The following C2CD2 variants were observed in gnomAD, a reference collection of about 807,000 sequenced individuals.
C2CD2 encodes C2 calcium dependent domain containing 2, also known as C2 domain-containing protein 2.
Under a neutral mutation model 74.3 loss-of-function variants are expected in C2CD2, and 43 were observed. The observed-to-expected ratio is 0.58, with a 90% confidence interval of 0.45 to 0.75. The LOEUF (loss-of-function observed/expected upper bound fraction) is 0.75, where lower values mean the gene tolerates loss of function less well. Ranked by LOEUF, C2CD2 falls within the 30% of genes least tolerant of loss-of-function variation. The probability of loss-of-function intolerance (pLI) is 0.00; values close to 1 mark genes in which losing one functional copy is unlikely to be tolerated. For missense variants in C2CD2, 801 were observed against 916.3 expected (o/e 0.87, Z 1.63); for synonymous variants, 422 against 390.7 (o/e 1.08, Z -0.94).
At chr21:41,935,716 G>A (rs775515561) in intron 2 of C2CD2, among the ~76,000 whole-genome samples, 15 of 152,122 alleles carry the variant, frequency 9.9e-5, no homozygotes, top group Non-Finnish European at 1.9e-4. Context: ...ACAGGGCGTG[G>A]TGGTGCACAC....
rs1271318506 is a variant in C2CD2 at position 41,903,570 on chromosome 21, A to G, written c.1433-1821T>C. On this transcript the variant is annotated intron_variant, in intron 11 of 13. Coordinates refer to ENST00000380486, the MANE Select transcript of C2CD2 (RefSeq NM_015500.2). This position sits in a 1 kb window ranked among gnomAD's most constrained non-coding sequence, Gnocchi z 4.5. ...TAGAGGAACAGATTTTTGTTTAGCC[A>G]CTGACCCACACTGAGAAGAGAGAAG... Among the ~76,000 whole-genome samples, 1 of 152,194 alleles carries G rather than the reference A, an allele frequency of 6.6e-6. No homozygotes were observed. Among genetic ancestry groups the G allele is most frequent in the African/African-American group, 2.4e-5 (1 of 41,448 alleles).
chr21:41,912,589 C>T, intron 6 of C2CD2, 149 bp from the exon 7 acceptor site: 1 of 379,624 alleles, frequency 2.6e-6, no homozygotes, highest in Non-Finnish European at 4.5e-6. Context: ...CTCCCAGGTT[C>T]AAGCGATTCT....
chr21:41,933,616 A>G (rs9977743), intron 2 of C2CD2, among the ~76,000 whole-genome samples: 38,527 of 152,242 alleles, frequency 0.25, 5,106 homozygotes, highest in South Asian at 0.4. Context: ...GGAAAAGGCC[A>G]TGTACACAAT....
At chr21:41,918,336 T>A in intron 4 of C2CD2, 109 bp from the exon 5 acceptor site, 1 of 984,020 alleles carries the variant, frequency 1.0e-6, no homozygotes, top group Non-Finnish European at 1.5e-6. Context: ...GGAAGGAAAT[T>A]ACCTTCAGAT....
chr21:41,901,503 G>C (rs2064896204), intron 12 of C2CD2, 119 bp downstream of exon 12: 1 of 1,033,708 alleles, frequency 9.7e-7, no homozygotes, highest in Admixed American at 1.7e-5. Flanking sequence ...TTTGACATTT[G>C]TAAATGGAAC....
intron 11 of C2CD2, among the ~76,000 whole-genome samples, chr21:41,904,771 C>T (rs1301645554): frequency 6.6e-6 from 1 of 152,152 alleles, no homozygotes; most frequent in African/African-American, 2.4e-5. Context: ...CAGTTGTTGA[C>T]CTGGGCAAGG....
At chr21:41,947,185 T>C (rs2065408192) in intron 1 of C2CD2, among the ~76,000 whole-genome samples, 1 of 129,064 alleles carries the variant, frequency 7.7e-6, no homozygotes, top group Non-Finnish European at 1.6e-5. Flanking sequence ...GAGACGGAGT[T>C]TCACTCTTGT....
chr21:41,905,844 G>T lies in C2CD2; in HGVS notation c.1319-7C>A. On this transcript the variant is annotated splice_polypyrimidine_tract_variant and splice_region_variant and intron_variant, in intron 10 of 13. Coordinates refer to ENST00000380486, the MANE Select transcript of C2CD2 (RefSeq NM_015500.2). ...GGAGTCTTCACCGGAGAATCTGCCA[G>T]AGGAAGATCCTGATTACAAAAGCGG... 6.7e-7 allele frequency: 1 copy of T among 1,489,220 alleles called. No homozygotes were observed. Among genetic ancestry groups the T allele is most frequent in the Non-Finnish European group, 9.4e-7 (1 of 1,066,034 alleles). 92.3% of individuals were successfully genotyped at this position (1,489,220 alleles called of 1,614,324 possible).
intron 1 of C2CD2, among the ~76,000 whole-genome samples, chr21:41,947,990 C>T (rs2065416417): frequency 6.6e-6 from 1 of 152,250 alleles, no homozygotes; most frequent in Non-Finnish European, 1.5e-5. Context: ...GCTACACCCA[C>T]ACTTTCCTGA....
chr21:41,901,796 C>G, intron 11 of C2CD2, 47 bp from the exon 12 acceptor site: 1 of 1,567,566 alleles, frequency 6.4e-7, no homozygotes. Context: ...AAATTAAAGA[C>G]TTCCATGGGA....
rs1484272050 is a variant in C2CD2 at position 41,888,739 on chromosome 21, AAAC to A, written c.*382_*384del. On this transcript the variant is annotated 3_prime_UTR_variant, in exon 14 of 14. Coordinates refer to ENST00000380486, the MANE Select transcript of C2CD2 (RefSeq NM_015500.2). ...GTGACATGGTCCAGGCATGGACCCA[AAAC>A]AACACTTGTTAGTGTAGAATAGGTA... 1 of 236,452 alleles carries A rather than the reference AAAC, an allele frequency of 4.2e-6. No individual in the cohort carries two copies. The highest frequency in any genetic ancestry group is 2.2e-5 in the African/African-American group (1 of 45,026). 14.6% of individuals were successfully genotyped at this position (236,452 alleles called of 1,614,324 possible).
At chr21:41,952,874 AG>A (rs1435680563) in intron 1 of C2CD2, 1 of 153,020 alleles carries the variant, frequency 6.5e-6, no homozygotes, top group Non-Finnish European at 1.5e-5. Flanking sequence ...ATGTCTGCCC[AG>A]CGGCTGGCCC....
chr21:41,889,421 G>A, intron 13 of C2CD2, 77 bp from the exon 14 acceptor site: 4 of 985,660 alleles, frequency 4.1e-6, no homozygotes, highest in Admixed American at 3.8e-5. Flanking sequence ...TCGGACAAAG[G>A]GAAAAGGAGG....
In C2CD2 at chr21:41,899,207, G is replaced by T; in HGVS notation, c.1716C>A (p.Pro572=). 1.2e-6 allele frequency: 2 copies of T among 1,612,290 alleles called. No homozygotes were observed. Among genetic ancestry groups the T allele is most frequent in the Middle Eastern group, 1.7e-4 (1 of 6,044 alleles). ...AGTCTAGCTCGTCCTCCTGGGGCTTGGGGGCAAGGGATGCCTGGGCTGACT... is the reference window on the plus strand; with the variant it reads ...AGTCTAGCTCGTCCTCCTGGGGCTTTGGGGCAAGGGATGCCTGGGCTGACT... ...EAESAQASLA[P]KPQEDELDSW... The change falls in exon 13 of 14, where the codon CCC becomes CCA. Residue 572 remains proline (P), a synonymous_variant. Transcript: ENST00000380486. The surrounding 1 kb of genome is among the most constrained non-coding windows in gnomAD (Gnocchi z 4.4).
intron 13 of C2CD2, among the ~76,000 whole-genome samples, chr21:41,894,083 C>T (rs927202298): frequency 2.0e-5 from 3 of 152,280 alleles, no homozygotes; most frequent in East Asian, 3.9e-4. Context: ...TTCCTGAAAT[C>T]GTTTGTGTGA....
At chr21:41,942,922 C>T in intron 1 of C2CD2, 1 of 980,000 alleles carries the variant, frequency 1.0e-6, no homozygotes, top group Non-Finnish European at 1.2e-6. Context: ...CAAGGTTCAC[C>T]TGTGCCCGTG....
chr21:41,922,158 T>C (rs548141747), intron 2 of C2CD2, 73 bp from the exon 3 acceptor site: 43 of 817,128 alleles, frequency 5.3e-5, no homozygotes, highest in Non-Finnish European at 7.3e-5. Context: ...CATCTTCTTC[T>C]TCTTCTTTTT....
At chr21:41,915,342 G>A (rs371751507) in intron 5 of C2CD2, among the ~76,000 whole-genome samples, 10 of 152,074 alleles carry the variant, frequency 6.6e-5, no homozygotes, top group African/African-American at 2.4e-4. Flanking sequence ...CAGACACCAG[G>A]GCGTTTCCAA....
At chr21:41,942,095 T>C (rs56908131) in intron 2 of C2CD2, 52 bp downstream of exon 2, 76,915 of 1,542,116 alleles carry the variant, frequency 0.05, 2,061 homozygotes, top group Admixed American at 0.06. Context: ...AAACTCCCCG[T>C]CCCCGGCATC....
Sources: gnomAD v4.1 joint callset for allele counts (sites outside exome capture counted in the v4.1 genomes callset) on GRCh38, gnomAD v4.1.1 for gene constraint, Gnocchi (gnomAD v3.1) non-coding constraint, MANE v1.5 for transcripts, NCBI Gene and HGNC (gene_info 2026-07-23, HGNC 2026-07-21) for gene names.